TMC8: variants seen among roughly 807,000 people sequenced by gnomAD.
The protein encoded by TMC8 is transmembrane channel like 8.
In TMC8, 71 loss-of-function variants were observed where a neutral mutation model predicts 76.0. The observed-to-expected ratio is 0.93, with a 90% CI of 0.77 to 1.14. The LOEUF is 1.14. TMC8 is among the 50% of genes most tolerant of loss of function. The probability of loss-of-function intolerance (pLI) is 0.00; values close to 1 mark genes in which losing one functional copy is unlikely to be tolerated. For missense variants in TMC8, 924 were observed against 947.9 expected (o/e 0.97, Z 0.33); for synonymous variants, 433 against 433.8 (o/e 1.00, Z 0.02).
chr17:78,133,936 A>T lies in TMC8; in HGVS notation c.752A>T (p.Asp251Val), dbSNP rs1437892586. The part of the protein sequence containing the change: ...PLSAKVFSSW[D>V]FCIRVQEAAT... ...AGCGCCAAGGTCTTCTCCTCATGGG[A>T]CTTCTGCATCCGGGTGCAGGAAGCA... The change falls in exon 7 of 16, where the codon GAC becomes GTC. Residue 251 changes from aspartate to valine, a missense_variant. Coordinates refer to ENST00000318430, the MANE Select transcript of TMC8 (RefSeq NM_152468.5). 1 of 1,613,502 alleles carries T rather than the reference A, an allele frequency of 6.2e-7. No individual in the cohort carries two copies. The highest frequency in any genetic ancestry group is 8.5e-7 in the Non-Finnish European group (1 of 1,180,040).
chr17:78,140,748 G>C, intron 15 of TMC8, 86 bp from the exon 16 acceptor site: 1 of 1,532,938 alleles, frequency 6.5e-7, no homozygotes, highest in Middle Eastern at 2.1e-4. Flanking sequence ...CTGGCCCATG[G>C]GCCGCAGAGT....
chr17:78,134,189 G>C (rs1013474023), intron 7 of TMC8, among the ~76,000 whole-genome samples, 189 bp downstream of exon 7: 5 of 152,260 alleles, frequency 3.3e-5, no homozygotes, highest in Admixed American at 2.0e-4. Context: ...GGCCGAGTGT[G>C]AGGGCACATG....
chr17:78,138,323 C>T (rs2075288733), intron 12 of TMC8, 26 bp from the exon 13 acceptor site: 1 of 1,610,798 alleles, frequency 6.2e-7, no homozygotes, highest in South Asian at 1.1e-5. Context: ...TCGCTGACTC[C>T]TGGTTGCTAT....
rs754357075 is a variant in TMC8, at chr17:78,137,371, C to G, written c.1251+13C>G. 2.5e-6 allele frequency: 4 copies of G among 1,613,754 alleles called. No individual in the cohort carries two copies. Among genetic ancestry groups the G allele is most frequent in the South Asian group, 2.2e-5 (2 of 91,072 alleles). ...TTGTGACTATCAGGTGGCTGGCAGC[C>G]CGGCGGGGCCTGTCCCTCCCTTCCT... On this transcript the variant is annotated intron_variant, in intron 10 of 15. Coordinates refer to ENST00000318430, the MANE Select transcript of TMC8 (RefSeq NM_152468.5).
chr17:78,137,643 C>A, intron 10 of TMC8, 74 bp from the exon 11 acceptor site: 5 of 1,392,168 alleles, frequency 3.6e-6, no homozygotes, highest in Non-Finnish European at 5.1e-6. Flanking sequence ...CACAGAAACC[C>A]TCACAGGAGG....
Position 78,137,810 on chromosome 17 carries a change from C to T in TMC8, c.1345C>T (p.Arg449Trp), listed in dbSNP as rs1344385756. The T allele has an allele frequency of 6.2e-7, 1 of 1,612,902 alleles. No homozygotes were observed. Among genetic ancestry groups the T allele is most frequent in the Non-Finnish European group, 8.5e-7 (1 of 1,179,940 alleles). The change falls in exon 11 of 16, where the codon CGG (arginine) becomes TGG (tryptophan). Residue 449 changes from arginine to tryptophan, a missense_variant. Physicochemically the swap from Arg to Trp is moderately radical, Grantham distance 101. Coordinates refer to ENST00000318430, the MANE Select transcript of TMC8 (RefSeq NM_152468.5). Reference protein sequence around the residue: ...VAFAFLVTLPRRLLVDRFSGR... With the variant: ...VAFAFLVTLPWRLLVDRFSGR... ...CTTCGCCTTCCTGGTCACCCTGCCT[C>T]GGAGGTGAGCCCCGGGGTGACACCT...
chr17:78,134,270 TGA>T (rs2075151329), intron 7 of TMC8, 122 bp from the exon 8 acceptor site: 2 of 1,214,292 alleles, frequency 1.6e-6, no homozygotes, highest in East Asian at 2.4e-5. Context: ...CATGACAGTG[TGA>T]GAGTTTGTGA....
chr17:78,138,016 A>ACCGGTTCTCAGG lies in TMC8; in HGVS notation c.1370_1381dup (p.Ser457_Phe460dup). On this transcript the variant is annotated inframe_insertion, in exon 12 of 16. Transcript: ENST00000318430. ...TCCCATCCCTGCAGGCTGCTGGTGGACCGGTTCTCAGGCCGGTTCTGGGCC... is the reference window on the plus strand; with the variant it reads ...TCCCATCCCTGCAGGCTGCTGGTGGACCGGTTCTCAGGCCGGTTCTCAGGCCGGTTCTGGGCC... The ACCGGTTCTCAGG allele has an allele frequency of 6.2e-7, 1 of 1,613,884 alleles. No individual in the cohort carries two copies. The highest frequency in any genetic ancestry group is 8.5e-7 in the Non-Finnish European group (1 of 1,179,998).
rs756899397 is a variant in TMC8 at position 78,134,971 on chromosome 17, C to T, written c.1089C>T (p.Asn363=). 2 of 1,614,108 alleles carry T rather than the reference C, an allele frequency of 1.2e-6. No homozygotes were observed. Among genetic ancestry groups the T allele is most frequent in the Non-Finnish European group, 1.7e-6 (2 of 1,179,978 alleles). Residue 363 remains asparagine (N), a synonymous_variant, in exon 9 of 16, where the codon AAC becomes AAT. Transcript: ENST00000318430. ...TCACATTTCTGGTCCAGCTGGAGAA[C>T]TACCCTCCCAACACGGAGGTCAACC... ...LLFTFLVQLE[N]YPPNTEVNLT... is the part of the protein sequence containing the mutation.
rs1253221192 is a variant in TMC8 at position 78,142,148 on chromosome 17, CA to C, written c.*1037del. On this transcript the variant is annotated 3_prime_UTR_variant, in exon 16 of 16. Transcript: ENST00000318430. ...TCCCACCCCCACCCCTGCCATGCTG[CA>C]GTGACTAAATCTGTGGTTCTCATCC... is the stretch of plus-strand genomic sequence containing the variant. 8 of 152,408 alleles carry C rather than the reference CA, an allele frequency of 5.2e-5. No homozygotes were observed. Among genetic ancestry groups the C allele is most frequent in the Admixed American group, 2.0e-4 (3 of 15,280 alleles). 9.4% of individuals were successfully genotyped at this position (152,408 alleles called of 1,614,324 possible).
At chr17:78,137,956 C>T in intron 11 of TMC8, 49 bp from the exon 12 acceptor site, 1 of 1,610,460 alleles carries the variant, frequency 6.2e-7, no homozygotes, top group Non-Finnish European at 8.5e-7. Context: ...CAATACAGCC[C>T]ACGCATCTGT....
At chr17:78,135,136 G>C in intron 9 of TMC8, 127 bp downstream of exon 9, 1 of 1,259,196 alleles carries the variant, frequency 7.9e-7, no homozygotes, top group East Asian at 2.4e-5. Context: ...AGTGGCCCAA[G>C]GGAAGGCAGG....
Position 78,131,915 on chromosome 17 carries a change from GC to G in TMC8, c.184del (p.Arg62AlafsTer61). 6.7e-7 allele frequency: 1 copy of G among 1,496,272 alleles called. No homozygotes were observed. The highest frequency in any genetic ancestry group is 8.9e-7 in the Non-Finnish European group (1 of 1,129,036). 92.7% of individuals were successfully genotyped at this position (1,496,272 alleles called of 1,614,324 possible). A position where few individuals can be genotyped will look rare whatever the true frequency, so the allele number is the denominator to read the frequency against. ...GGGAGCCCGCGGGGGTGCAGACCTT[GC>G]GCTGGCAGCGGTGGCAGCGCCGGCG... ...LREPAGVQTL[R>X]WQRWQRRRQT... On this transcript the variant is annotated frameshift_variant, in exon 3 of 16. Transcript: ENST00000318430. LOFTEE classifies it high-confidence loss of function.
chr17:78,135,864 G>A (rs568920110), intron 9 of TMC8, among the ~76,000 whole-genome samples: 1 of 152,246 alleles, frequency 6.6e-6, no homozygotes, highest in African/African-American at 2.4e-5. Flanking sequence ...GACCAGCCTG[G>A]CCAACATGGT....
chr17:78,132,063 C>T, intron 3 of TMC8, 33 bp downstream of exon 3: 1 of 1,534,810 alleles, frequency 6.5e-7, no homozygotes, highest in African/African-American at 1.4e-5. Context: ...CTCCCCTTGC[C>T]CTCTCTGGAG....
In TMC8 at chr17:78,140,924, G is replaced by C. The variant is rs2075360486; in HGVS notation, c.1993G>C (p.Ala665Pro). The change falls in exon 16 of 16, where the codon GCC becomes CCC. Residue 665 changes from alanine to proline, a missense_variant. Coordinates refer to ENST00000318430, the MANE Select transcript of TMC8 (RefSeq NM_152468.5). The stretch of plus-strand genomic sequence containing the variant: ...CGACTCTCCGGGCCCCAAGTACCCT[G>C]CCTCCCAAGCTTCGCGCCCGCAGTC... ...PSDSPGPKYP[A>P]SQASRPQSFC... 6.2e-7 allele frequency: 1 copy of C among 1,603,250 alleles called. No individual in the cohort carries two copies. The highest frequency in any genetic ancestry group is 1.3e-5 in the African/African-American group (1 of 74,890).
chr17:78,139,298 G>A, intron 15 of TMC8, 58 bp downstream of exon 15: 1 of 1,594,278 alleles, frequency 6.3e-7, no homozygotes. Context: ...CCTTCCCTAT[G>A]TGTGGCCGAG....
intron 9 of TMC8, chr17:78,136,837 G>A: frequency 3.0e-6 from 1 of 337,072 alleles, no homozygotes; most frequent in South Asian, 2.3e-5. Flanking sequence ...CAAGGCGGGT[G>A]GATCACCTGA....
rs1567799217 is a variant in TMC8, at chr17:78,134,902, C to T, written c.1020C>T (p.Pro340=). ...TGTTTCTGCTGCTCCAGTACCTGCC[C>T]CCTGGGGTCATCGCCCTGGTCAACT... ...ESLFLLLQYL[P]PGVIALVNFL... The change falls in exon 9 of 16, where the codon CCC becomes CCT. Residue 340 remains proline, a synonymous_variant. Coordinates refer to ENST00000318430, the MANE Select transcript of TMC8 (RefSeq NM_152468.5). The T allele has an allele frequency of 1.2e-6, 2 of 1,614,108 alleles. No individual in the cohort carries two copies. The highest frequency in any genetic ancestry group is 8.5e-7 in the Non-Finnish European group (1 of 1,180,010).
Sources: gnomAD v4.1 joint callset for allele counts (sites outside exome capture counted in the v4.1 genomes callset) on GRCh38, gnomAD v4.1.1 for gene constraint, MANE v1.5 for transcripts, NCBI Gene and HGNC (gene_info 2026-07-23, HGNC 2026-07-21) for gene names.